AOPEP: variants seen among roughly 807,000 people sequenced by gnomAD.
AOPEP encodes the protein aminopeptidase O (putative).
Under a neutral mutation model 98.1 loss-of-function variants are expected in AOPEP, and 77 were observed. The ratio of observed to expected loss-of-function variants is 0.78; its 90% confidence interval spans 0.65 to 0.95. AOPEP has a LOEUF of 0.95. Among genes scored for constraint, AOPEP ranks in the 40% least tolerant of loss-of-function variants. AOPEP has a pLI of 0.00. For missense variants in AOPEP, 1,024 were observed against 1,024.7 expected, an observed-to-expected ratio of 1.00 and a Z score of 0.01; for synonymous variants, 346 against 365.3, an observed-to-expected ratio of 0.95 and a Z score of 0.60.
the AOPEP span, chr9:95,135,377 C>T: frequency 6.2e-7 from 1 of 1,614,092 alleles, no homozygotes. Flanking sequence ...GCATTCGATC[C>T]TTCTCAGACA....
intron 5 of AOPEP, among the ~76,000 whole-genome samples, chr9:94,877,031 C>T (rs910229376): frequency 7.2e-5 from 11 of 152,132 alleles, no homozygotes; most frequent in Admixed American, 2.0e-4. Context: ...GGAGCCCCAC[C>T]GGAGTTTCTT....
At chr9:95,075,854 G>A (rs988237628) in intron 14 of AOPEP, among the ~76,000 whole-genome samples, 4 of 152,202 alleles carry the variant, frequency 2.6e-5, no homozygotes, top group Non-Finnish European at 4.4e-5. Flanking sequence ...CTGGATGACC[G>A]AACGACACCC....
the AOPEP span, among the ~76,000 whole-genome samples, chr9:95,092,826 C>T: frequency 3.3e-5 from 5 of 152,274 alleles, no homozygotes; most frequent in Admixed American, 6.5e-5. Flanking sequence ...CTGGATCGGA[C>T]GCTCATGGCG....
chr9:94,772,078 A>G (rs1421662829), intron 2 of AOPEP, among the ~76,000 whole-genome samples: 1 of 152,254 alleles, frequency 6.6e-6, no homozygotes, highest in East Asian at 1.9e-4. Context: ...AAATGAGTTT[A>G]TCCAAAAGAA....
chr9:95,108,021 C>T, the AOPEP span, among the ~76,000 whole-genome samples: 1 of 152,226 alleles, frequency 6.6e-6, no homozygotes, highest in South Asian at 2.1e-4. Flanking sequence ...AAACCGAAAG[C>T]CCATAGCTCC....
intron 11 of AOPEP, among the ~76,000 whole-genome samples, chr9:94,986,806 AGCTGTG>A (rs1447856373): frequency 1.3e-5 from 2 of 152,236 alleles, no homozygotes; most frequent in African/African-American, 4.8e-5. Context: ...CCCAAATGAA[AGCTGTG>A]TGCTTCCTTC....
rs568011561 is a variant in AOPEP, at chr9:95,070,838, G to A, written c.2233-9856G>A. On this transcript the variant is annotated intron_variant, in intron 14 of 16. Coordinates refer to ENST00000375315, the MANE Select transcript of AOPEP (RefSeq NM_001193329.3). Reference sequence around the variant, plus strand: ...GAGGTGAACTAGGAGATGTGGACGCGTCAGATCACTCAAGTGAACCTGGGT... The same window carrying A: ...GAGGTGAACTAGGAGATGTGGACGCATCAGATCACTCAAGTGAACCTGGGT... Among the ~76,000 whole-genome samples the A allele has an allele frequency of 7.9e-5, 12 of 152,356 alleles. No homozygotes were observed. In the East Asian group the frequency reaches 9.6e-4, roughly 12 times the overall value.
At chr9:94,835,040 T>C (rs1056176514) in intron 5 of AOPEP, among the ~76,000 whole-genome samples, 1 of 152,122 alleles carries the variant, frequency 6.6e-6, no homozygotes, top group Non-Finnish European at 1.5e-5. Flanking sequence ...GGTAATAGGA[T>C]AAGGAGTGTA....
At chr9:95,087,616 CAA>C (rs2070800393), downstream of AOPEP, among the ~76,000 whole-genome samples, 3 of 147,564 alleles carry the variant, frequency 2.0e-5, no homozygotes, top group Non-Finnish European at 3.0e-5. Context: ...AGCCTGAAAA[CAA>C]AAGTAATTTG....
intron 4 of AOPEP, among the ~76,000 whole-genome samples, chr9:94,795,053 A>G (rs1362241996): frequency 5.3e-5 from 8 of 152,160 alleles, no homozygotes; most frequent in Non-Finnish European, 8.8e-5. Flanking sequence ...ATATAATCTC[A>G]TTTAGTCCTA....
intron 10 of AOPEP, among the ~76,000 whole-genome samples, chr9:94,975,006 G>A (rs1262851098): frequency 6.6e-6 from 1 of 152,146 alleles, no homozygotes; most frequent in African/African-American, 2.4e-5. Flanking sequence ...GGGAGGCTGG[G>A]ATCATTTGAG....
At chr9:94,863,686 G>T (rs562710967) in intron 5 of AOPEP, among the ~76,000 whole-genome samples, 188 of 152,308 alleles carry the variant, frequency 1.2e-3, no homozygotes, top group African/African-American at 4.4e-3. Flanking sequence ...AAAGTGCTGG[G>T]ATTACAGACG....
intron 4 of AOPEP, among the ~76,000 whole-genome samples, chr9:94,794,630 T>G (rs542114865): frequency 6.6e-6 from 1 of 152,306 alleles, no homozygotes; most frequent in Admixed American, 6.5e-5. Flanking sequence ...TATTTTGGAC[T>G]GTCTTTCCTG....
chr9:94,906,479 T>TAAG (rs1366237704), intron 5 of AOPEP, among the ~76,000 whole-genome samples: 1 of 127,820 alleles, frequency 7.8e-6, no homozygotes, highest in African/African-American at 2.5e-5. Context: ...ATAATAATAA[T>TAAG]AATAAAAAAA....
the AOPEP span, among the ~76,000 whole-genome samples, chr9:95,128,910 T>C: frequency 1.6e-5 from 2 of 127,716 alleles, no homozygotes; most frequent in African/African-American, 7.3e-5. Flanking sequence ...ACCAGTCTCC[T>C]TTTTTTTTTT....
intron 1 of AOPEP, among the ~76,000 whole-genome samples, chr9:94,742,085 T>G (rs1833270388): frequency 6.6e-6 from 1 of 151,906 alleles, no homozygotes; most frequent in African/African-American, 2.4e-5. Flanking sequence ...ACACAGGGAG[T>G]CTTATTTAGA....
intron 1 of AOPEP, among the ~76,000 whole-genome samples, chr9:94,751,400 A>G (rs1435149790): frequency 6.6e-6 from 1 of 152,198 alleles, no homozygotes; most frequent in Non-Finnish European, 1.5e-5. Context: ...GTAAAACTAA[A>G]TGTAAAACTA....
At chr9:95,101,870 GA>G in the AOPEP span, 1 of 1,613,646 alleles carries the variant, frequency 6.2e-7, no homozygotes, top group Middle Eastern at 1.7e-4. Context: ...GGACAGAAGA[GA>G]AGGCAAATTA....
chr9:94,993,688 A>C (rs1013380624), intron 11 of AOPEP, among the ~76,000 whole-genome samples: 2 of 152,336 alleles, frequency 1.3e-5, no homozygotes, highest in Middle Eastern at 3.4e-3. Flanking sequence ...AGAGACGTAG[A>C]TCAGATGGTT....
Sources: gnomAD v4.1 joint callset for allele counts (sites outside exome capture counted in the v4.1 genomes callset) on GRCh38, gnomAD v4.1.1 for gene constraint, MANE v1.5 for transcripts, NCBI Gene and HGNC (gene_info 2026-07-23, HGNC 2026-07-21) for gene names.